TUSC3: variants seen among roughly 807,000 people sequenced by gnomAD.
TUSC3 encodes tumor suppressor candidate 3, also known as dolichyl-diphosphooligosaccharide--protein glycosyltransferase subunit TUSC3.
TUSC3 carries 45 observed loss-of-function variants against 44.8 expected under a neutral mutation model. That is an observed-to-expected ratio of 1.00 (90% CI 0.79 to 1.29). The LOEUF (loss-of-function observed/expected upper bound fraction) is 1.29. Among genes scored for constraint, TUSC3 ranks in the 50% most tolerant of loss-of-function variants. The pLI, the probability that TUSC3 is intolerant of heterozygous loss-of-function variation, is 0.00. For missense variants in TUSC3, 519 were observed against 437.9 expected (o/e 1.19, Z -1.65); for synonymous variants, 212 against 152.9 (o/e 1.39, Z -2.85).
chr8:15,784,626 C>G, the TUSC3 span, among the ~76,000 whole-genome samples: 1 of 151,906 alleles, frequency 6.6e-6, no homozygotes, highest in East Asian at 1.9e-4. Context: ...AGAGATGAAT[C>G]TAGAGGACAT....
chr8:15,429,823 C>G (rs1316116868), intron 1 of TUSC3, among the ~76,000 whole-genome samples: 1 of 151,664 alleles, frequency 6.6e-6, no homozygotes, highest in African/African-American at 2.4e-5. Flanking sequence ...CACAGAAATA[C>G]AAACTACCAT....
intron 2 of TUSC3, among the ~76,000 whole-genome samples, chr8:15,645,897 G>C (rs2129173653): frequency 6.6e-6 from 1 of 152,184 alleles, no homozygotes; most frequent in Admixed American, 6.5e-5. Flanking sequence ...ATGAGTTGTA[G>C]ACTCTCTAGA....
intron 1 of TUSC3, among the ~76,000 whole-genome samples, chr8:15,461,319 C>A (rs755396206): frequency 6.6e-6 from 1 of 151,962 alleles, no homozygotes; most frequent in Non-Finnish European, 1.5e-5. Flanking sequence ...TGGTTAAGTT[C>A]TTGACTTGAT....
At chr8:15,804,536 A>G in the TUSC3 span, among the ~76,000 whole-genome samples, 2 of 152,204 alleles carry the variant, frequency 1.3e-5, no homozygotes, top group East Asian at 1.9e-4. Context: ...ATTCTTCTGC[A>G]TATGGCTAGC....
chr8:15,433,123 T>C (rs1373004312), intron 1 of TUSC3, among the ~76,000 whole-genome samples: 1 of 152,218 alleles, frequency 6.6e-6, no homozygotes, highest in Non-Finnish European at 1.5e-5. Flanking sequence ...TAGTCCTTTT[T>C]GCATTTATAT....
intron 1 of TUSC3, among the ~76,000 whole-genome samples, chr8:15,441,987 A>G (rs1800026711): frequency 6.6e-6 from 1 of 152,148 alleles, no homozygotes; most frequent in Non-Finnish European, 1.5e-5. Flanking sequence ...TTGTTTCCCG[A>G]TAAGTTGGTT....
chr8:15,779,060 T>C, the TUSC3 span, among the ~76,000 whole-genome samples: 5 of 151,790 alleles, frequency 3.3e-5, no homozygotes. Flanking sequence ...ACATACATCC[T>C]GGGTAAGTAC....
At chr8:15,599,156 T>A (rs1804181003) in intron 1 of TUSC3, among the ~76,000 whole-genome samples, 1 of 151,872 alleles carries the variant, frequency 6.6e-6, no homozygotes, top group Non-Finnish European at 1.5e-5. Context: ...TATAATTGTC[T>A]TAATTTGCAT....
intron 2 of TUSC3, among the ~76,000 whole-genome samples, chr8:15,646,365 A>G (rs56402815): frequency 0.052 from 7,869 of 152,062 alleles, 305 homozygotes; most frequent in Non-Finnish European, 0.076. Flanking sequence ...TCTTCCCATT[A>G]TCTTCATTAT....
At chr8:15,769,262 C>T (rs1563215337), downstream of TUSC3, among the ~76,000 whole-genome samples, 1 of 152,046 alleles carries the variant, frequency 6.6e-6, no homozygotes, top group African/African-American at 2.4e-5. Flanking sequence ...GAACAGAGGC[C>T]TCAGAAATAA....
At chr8:15,488,308 AC>A in intron 2 of TUSC3, among the ~76,000 whole-genome samples, 1 of 151,740 alleles carries the variant, frequency 6.6e-6, no homozygotes, top group East Asian at 1.9e-4. Context: ...ACCAGCCTGA[AC>A]AACATAGACC....
the TUSC3 span, among the ~76,000 whole-genome samples, chr8:15,795,079 G>A: frequency 2.6e-5 from 4 of 152,220 alleles, no homozygotes; most frequent in Admixed American, 2.6e-4. Context: ...AATTTGTCTT[G>A]TGTAGTATTT....
intron 6 of TUSC3, among the ~76,000 whole-genome samples, chr8:15,692,082 A>C (rs530258972): frequency 6.6e-6 from 1 of 152,268 alleles, no homozygotes; most frequent in South Asian, 2.1e-4. Context: ...CGCCTGGCAC[A>C]TGTGGTTTGT....
At chr8:15,459,271 G>A (rs890880675) in intron 1 of TUSC3, among the ~76,000 whole-genome samples, 15 of 152,210 alleles carry the variant, frequency 9.9e-5, no homozygotes, top group African/African-American at 3.6e-4. Context: ...GTCTAGTTCA[G>A]GAAGTTTTTG....
intron 2 of TUSC3, among the ~76,000 whole-genome samples, chr8:15,520,232 C>T (rs1169778748): frequency 1.3e-5 from 2 of 152,162 alleles, no homozygotes; most frequent in African/African-American, 2.4e-5. Flanking sequence ...TGGTCTCTGT[C>T]AATAGGGATT....
Position 15,736,311 on chromosome 8 carries a change from C to T in TUSC3, c.862+5582C>T, listed in dbSNP as rs1352674067. 4.6e-5 allele frequency among the ~76,000 whole-genome samples: 7 copies of T among 152,272 alleles called. No homozygotes were observed. The South Asian group carries it at 1.5e-3, about 32-fold the overall frequency. Reference sequence around the variant, plus strand: ...TTTCAAATGTCCAAAATTCAGTAGACTCAGGCTTGAGGCACATGGATCTTA... The same window carrying T: ...TTTCAAATGTCCAAAATTCAGTAGATTCAGGCTTGAGGCACATGGATCTTA... On this transcript the variant is annotated intron_variant, in intron 7 of 10. Coordinates refer to ENST00000503731, the MANE Select transcript of TUSC3 (RefSeq NM_006765.4).
At chr8:15,587,471 T>G (rs61597923) in intron 1 of TUSC3, among the ~76,000 whole-genome samples, 4,169 of 152,192 alleles carry the variant, frequency 0.027, 209 homozygotes, top group East Asian at 0.23. Flanking sequence ...ATTTATGGAG[T>G]ACGGAGTGAT....
At chr8:15,689,033 G>A in intron 6 of TUSC3, 1 of 304,508 alleles carries the variant, frequency 3.3e-6, no homozygotes, top group Non-Finnish European at 6.5e-6. Context: ...ACCACCCAGT[G>A]CAGGGGGATG....
At chr8:15,490,020 A>G (rs1800786504) in intron 2 of TUSC3, among the ~76,000 whole-genome samples, 1 of 152,246 alleles carries the variant, frequency 6.6e-6, no homozygotes, top group Non-Finnish European at 1.5e-5. Context: ...TTGTTTTACT[A>G]GGACATTCTA....
Sources: allele counts gnomAD v4.1 joint callset (sites outside exome capture counted in the v4.1 genomes callset), GRCh38; gene constraint gnomAD v4.1.1; transcripts MANE v1.5; gene names NCBI Gene and HGNC (gene_info 2026-07-23, HGNC 2026-07-21).